The following MFSD6 variants were observed in gnomAD, a reference collection of about 807,000 sequenced individuals.
MFSD6 encodes the protein major facilitator superfamily domain containing 6.
MFSD6 carries 26 observed loss-of-function variants against 56.3 expected under a neutral mutation model. That is an observed-to-expected ratio of 0.46 (90% CI 0.34 to 0.64). MFSD6 has a LOEUF of 0.64. MFSD6 is among the 30% of genes least tolerant of loss of function. The pLI is 0.01. For synonymous variants in MFSD6, 331 were observed against 366.9 expected, an observed-to-expected ratio of 0.90 and a Z score of 1.12; for missense variants, 750 against 986.2, an observed-to-expected ratio of 0.76 and a Z score of 3.21.
rs72905203 is a variant in MFSD6 at position 190,424,785 on chromosome 2, A to G, written c.-54+9372A>G. Among the ~76,000 whole-genome samples, 23,080 of 152,192 alleles carry G rather than the reference A, an allele frequency of 0.15. 2,770 individuals are homozygous for G. The highest frequency in any genetic ancestry group is 0.37 in the Admixed American group (5,595 of 15,292). ...TGTTCTGGGTTCTGTATTCTGTTAC[A>G]TTGATCTATGTGTCTGTCCTTCTGC... is the stretch of plus-strand genomic sequence containing the variant. On this transcript the variant is annotated intron_variant, in intron 2 of 7. Coordinates refer to ENST00000392328, the MANE Select transcript of MFSD6 (RefSeq NM_017694.4). This position sits in a 1 kb window ranked among gnomAD's most constrained non-coding sequence, Gnocchi z 5.9.
At chr2:190,442,357 G>T (rs1369922774) in intron 3 of MFSD6, among the ~76,000 whole-genome samples, 1 of 152,100 alleles carries the variant, frequency 6.6e-6, no homozygotes, top group African/African-American at 2.4e-5. Flanking sequence ...GAAAAAACAG[G>T]AGAGACTGAG....
In MFSD6 at chr2:190,490,558, C is replaced by A. The variant is rs1484364940; in HGVS notation, c.1891+692C>A. ...AGCCTGGGGGAACGAGCAAGACTCCCTCTCAAAAAAAAAACAAAAAACAAA... is the reference window on the plus strand; with the variant it reads ...AGCCTGGGGGAACGAGCAAGACTCCATCTCAAAAAAAAAACAAAAAACAAA... On this transcript the variant is annotated intron_variant, in intron 6 of 7. Transcript: ENST00000392328. The surrounding 1 kb of genome is among the most constrained non-coding windows in gnomAD (Gnocchi z 4.5). 1.4e-5 allele frequency among the ~76,000 whole-genome samples: 2 copies of A among 147,788 alleles called. No homozygotes were observed.
In MFSD6 at chr2:190,490,733, A is replaced by G. The variant is rs1480021274; in HGVS notation, c.1891+867A>G. On this transcript the variant is annotated intron_variant, in intron 6 of 7. Coordinates refer to ENST00000392328, the MANE Select transcript of MFSD6 (RefSeq NM_017694.4). The surrounding 1 kb of genome is among the most constrained non-coding windows in gnomAD (Gnocchi z 4.5). ...CTTTTTATGAAAAAGGTCAACCAGG[A>G]GGATGAAAATATTTTTGCTCAGTTT... 1.3e-5 allele frequency among the ~76,000 whole-genome samples: 2 copies of G among 152,216 alleles called. No homozygotes were observed. Among genetic ancestry groups the G allele is most frequent in the Non-Finnish European group, 2.9e-5 (2 of 68,032 alleles).
In MFSD6 at chr2:190,492,008, C is replaced by CA. The variant is rs1689389420; in HGVS notation, c.1891+2146dup. ...AATAAAGGACACACTTACAGAAATG[C>CA]AAAATGTTCTGGAAAGTCTCAGCAA... is the stretch of plus-strand genomic sequence containing the variant. On this transcript the variant is annotated intron_variant, in intron 6 of 7. Coordinates refer to ENST00000392328, the MANE Select transcript of MFSD6 (RefSeq NM_017694.4). This position sits in a 1 kb window ranked among gnomAD's most constrained non-coding sequence, Gnocchi z 5.2. Among the ~76,000 whole-genome samples the CA allele has an allele frequency of 6.6e-6, 1 of 152,106 alleles. No homozygotes were observed. The highest frequency in any genetic ancestry group is 2.4e-5 in the African/African-American group (1 of 41,430).
At chr2:190,477,844 G>A (rs1340366598) in intron 4 of MFSD6, among the ~76,000 whole-genome samples, 2 of 152,168 alleles carry the variant, frequency 1.3e-5, no homozygotes. Context: ...GTGGGAGGAT[G>A]AAGACTGTAT....
chr2:190,445,693 C>G (rs1686554395), intron 3 of MFSD6, among the ~76,000 whole-genome samples: 1 of 152,106 alleles, frequency 6.6e-6, no homozygotes, highest in South Asian at 2.1e-4. Flanking sequence ...TTTTTCCTCT[C>G]CTGGTACCTT....
chr2:190,483,384 C>A (rs191035107), intron 4 of MFSD6, among the ~76,000 whole-genome samples: 1 of 152,210 alleles, frequency 6.6e-6, no homozygotes, highest in Non-Finnish European at 1.5e-5. Flanking sequence ...ACTCTCTTCT[C>A]TGTGTGACTC....
Position 190,410,538 on chromosome 2 carries a change from T to C in MFSD6, c.-176+2035T>C, listed in dbSNP as rs1690516503. ...GTTAACATTTAGCCATGTAGGATAA[T>C]TTATATATTTATTACGTATGTATAT... On this transcript the variant is annotated intron_variant, in intron 1 of 7. Transcript: ENST00000392328. This position sits in a 1 kb window ranked among gnomAD's most constrained non-coding sequence, Gnocchi z 4.4. Among the ~76,000 whole-genome samples the C allele has an allele frequency of 1.3e-5, 2 of 152,246 alleles. No homozygotes were observed. The highest frequency in any genetic ancestry group is 4.8e-5 in the African/African-American group (2 of 41,460).
chr2:190,428,231 C>T (rs1685843771), intron 2 of MFSD6, among the ~76,000 whole-genome samples: 1 of 152,304 alleles, frequency 6.6e-6, no homozygotes, highest in Non-Finnish European at 1.5e-5. Flanking sequence ...GGAAATACTA[C>T]AATTTATGTA....
rs778576407 is a variant in MFSD6, at chr2:190,436,563, C to G, written c.534C>G (p.Ile178Met). ...HPTNASHQLT[I>M]LPTNSSFTSF... ...CCAATGCAAGTCACCAGTTAACTAT[C>G]CTGCCAACAAATTCTTCCTTTACCT... The change falls in exon 3 of 8, where the codon ATC (isoleucine) becomes ATG (methionine). Residue 178 changes from isoleucine to methionine, a missense_variant. Transcript: ENST00000392328. The surrounding 1 kb of genome is among the most constrained non-coding windows in gnomAD (Gnocchi z 5.3). 1 of 1,614,096 alleles carries G rather than the reference C, an allele frequency of 6.2e-7. No homozygotes were observed. Among genetic ancestry groups the G allele is most frequent in the African/African-American group, 1.3e-5 (1 of 74,926 alleles).
At chr2:190,452,279 A>G (rs1257851244) in intron 3 of MFSD6, among the ~76,000 whole-genome samples, 1 of 152,150 alleles carries the variant, frequency 6.6e-6, no homozygotes, top group Non-Finnish European at 1.5e-5. Flanking sequence ...TAACACAACA[A>G]CAACAACAAT....
rs990393441 is a variant in MFSD6, at chr2:190,489,490, T to C, written c.1793-278T>C. Among the ~76,000 whole-genome samples, 7 of 152,290 alleles carry C rather than the reference T, an allele frequency of 4.6e-5. No homozygotes were observed. Among genetic ancestry groups the C allele is most frequent in the East Asian group, 1.9e-4 (1 of 5,178 alleles). On this transcript the variant is annotated intron_variant, in intron 5 of 7. Transcript: ENST00000392328. This position sits in a 1 kb window ranked among gnomAD's most constrained non-coding sequence, Gnocchi z 6.6. ...TTTTCATATGAAGAGGAGAGCACCA[T>C]TGAATTGTATGAGTCATGGTGAAAG...
rs959990036 is a variant in MFSD6, at chr2:190,454,056, G to A, written c.1533-15702G>A. 6.6e-6 allele frequency: 1 copy of A among 152,142 alleles called. No individual in the cohort carries two copies. Among genetic ancestry groups the A allele is most frequent in the Non-Finnish European group, 1.5e-5 (1 of 68,020 alleles). 9.4% of individuals were successfully genotyped at this position (152,142 alleles called of 1,614,324 possible). A position where few individuals can be genotyped will look rare whatever the true frequency, so the allele number is the denominator to read the frequency against. On this transcript the variant is annotated intron_variant, in intron 3 of 7. Coordinates refer to ENST00000392328, the MANE Select transcript of MFSD6 (RefSeq NM_017694.4). This position sits in a 1 kb window ranked among gnomAD's most constrained non-coding sequence, Gnocchi z 4.6. ...AAATCAGTCCTTGTTTTAGTTTCCT[G>A]ACCACCAGTAAAATTATTGTAGGCC...
At position 190,500,955 on chromosome 2, in the gene MFSD6, C is replaced by G. The variant is rs1045725381; in HGVS notation, c.*737C>G. The G allele has an allele frequency of 6.6e-6, 1 of 152,032 alleles. No homozygotes were observed. Among genetic ancestry groups the G allele is most frequent in the Admixed American group, 6.6e-5 (1 of 15,264 alleles). The allele number at this position is 152,032 out of a possible 1,614,324, so 9.4% of individuals were successfully genotyped here. A position where few individuals can be genotyped will look rare whatever the true frequency, so the allele number is the denominator to read the frequency against. ...TGGGCTTTGAGAAAAAAAACAGAAACAAGCGATTATTTCAAATCAACCAAC... is the reference window on the plus strand; with the variant it reads ...TGGGCTTTGAGAAAAAAAACAGAAAGAAGCGATTATTTCAAATCAACCAAC... On this transcript the variant is annotated 3_prime_UTR_variant, in exon 8 of 8. Transcript: ENST00000392328. The surrounding 1 kb of genome is among the most constrained non-coding windows in gnomAD (Gnocchi z 5.3).
chr2:190,469,867 G>T lies in MFSD6; in HGVS notation c.1630+12G>T, dbSNP rs147086492. ...GGAAGTTCTTCAAGGTAAGTTAACA[G>T]CTGGGATTGAAATTATTTCTCTGCC... On this transcript the variant is annotated intron_variant, in intron 4 of 7. Transcript: ENST00000392328. The surrounding 1 kb of genome is among the most constrained non-coding windows in gnomAD (Gnocchi z 5.3). 7.7e-6 allele frequency: 12 copies of T among 1,561,812 alleles called. No homozygotes were observed. The East Asian group carries it at 2.5e-4, about 32-fold the overall frequency.
intron 4 of MFSD6, among the ~76,000 whole-genome samples, chr2:190,476,549 G>A (rs1189287788): frequency 1.3e-5 from 2 of 152,054 alleles, no homozygotes; most frequent in East Asian, 1.9e-4. Context: ...AAAAGTCAGG[G>A]AACAACAGGT....
At chr2:190,421,288 T>G (rs1685603677) in intron 2 of MFSD6, among the ~76,000 whole-genome samples, 1 of 152,228 alleles carries the variant, frequency 6.6e-6, no homozygotes, top group Admixed American at 6.5e-5. Flanking sequence ...TAAAGTTCAC[T>G]CTAAGGCCCC....
rs1017788653 is a variant in MFSD6, at chr2:190,417,470, C to T, written c.-54+2057C>T. Among the ~76,000 whole-genome samples, 2 of 152,204 alleles carry T rather than the reference C, an allele frequency of 1.3e-5. No individual in the cohort carries two copies. Among genetic ancestry groups the T allele is most frequent in the African/African-American group, 4.8e-5 (2 of 41,444 alleles). ...TGATTGTGTGTGCCCCCGTCTTCTT[C>T]TCGCCTCTGGGTGTCATGACAGGGA... On this transcript the variant is annotated intron_variant, in intron 2 of 7. Coordinates refer to ENST00000392328, the MANE Select transcript of MFSD6 (RefSeq NM_017694.4). This position sits in a 1 kb window ranked among gnomAD's most constrained non-coding sequence, Gnocchi z 5.7.
Position 190,500,248 on chromosome 2 carries a change from G to A in MFSD6, c.*30G>A. 1 of 1,611,558 alleles carries A rather than the reference G, an allele frequency of 6.2e-7. No homozygotes were observed. The highest frequency in any genetic ancestry group is 8.5e-7 in the Non-Finnish European group (1 of 1,178,196). On this transcript the variant is annotated 3_prime_UTR_variant, in exon 8 of 8. Transcript: ENST00000392328. This position sits in a 1 kb window ranked among gnomAD's most constrained non-coding sequence, Gnocchi z 5.3. ...ATCCTGCTCATCTCACACCCTGCAT[G>A]GAATCAGGCTCCTCAGCCAGGACAC...
Sources: gnomAD v4.1 joint callset for allele counts (sites outside exome capture counted in the v4.1 genomes callset) on GRCh38, gnomAD v4.1.1 for gene constraint, Gnocchi (gnomAD v3.1) non-coding constraint, MANE v1.5 for transcripts, NCBI Gene and HGNC (gene_info 2026-07-23, HGNC 2026-07-21) for gene names.